ZNF667: variants seen among roughly 807,000 people sequenced by gnomAD.
ZNF667 encodes zinc finger protein 667.
Under a neutral mutation model 31.8 loss-of-function variants are expected in ZNF667, and 13 were observed. That is an observed-to-expected ratio of 0.41 (90% CI 0.27 to 0.65). The LOEUF (loss-of-function observed/expected upper bound fraction) is 0.65. Ranked by LOEUF, ZNF667 falls within the 30% of genes least tolerant of loss-of-function variation. ZNF667 has a pLI of 0.32. For missense variants in ZNF667, 642 were observed against 725.6 expected (o/e 0.88, Z 1.32); for synonymous variants, 228 against 247.1 (o/e 0.92, Z 0.73).
At chr19:56,455,984 A>G (rs2042924213) in intron 6 of ZNF667, among the ~76,000 whole-genome samples, 1 of 152,186 alleles carries the variant, frequency 6.6e-6, no homozygotes, top group African/African-American at 2.4e-5. Flanking sequence ...TCTCCCGGAC[A>G]GGAGATCCTA....
At chr19:56,465,964 G>T (rs1418085811) in intron 3 of ZNF667, among the ~76,000 whole-genome samples, 1 of 152,202 alleles carries the variant, frequency 6.6e-6, no homozygotes, top group Non-Finnish European at 1.5e-5. Context: ...TTTCCTCCTG[G>T]GAGTCTGCAA....
intron 6 of ZNF667, among the ~76,000 whole-genome samples, chr19:56,450,799 T>C (rs949402675): frequency 1.3e-5 from 2 of 152,160 alleles, no homozygotes; most frequent in Non-Finnish European, 2.9e-5. Flanking sequence ...TAAATTGTCA[T>C]CAGTTTAAAT....
At chr19:56,449,937 G>T (rs1048647897) in intron 6 of ZNF667, among the ~76,000 whole-genome samples, 1 of 150,786 alleles carries the variant, frequency 6.6e-6, no homozygotes, top group African/African-American at 2.4e-5. Flanking sequence ...ATAGTCAGAG[G>T]AGTCAAAGGG....
At chr19:56,449,374 G>A (rs10408604) in intron 6 of ZNF667, 121,921 of 300,296 alleles carry the variant, frequency 0.41, 26,255 homozygotes, top group Middle Eastern at 0.52. Context: ...TTCAGTCAGA[G>A]AATTCAAAAT....
chr19:56,454,390 G>T (rs899281046), intron 6 of ZNF667, among the ~76,000 whole-genome samples: 3 of 151,868 alleles, frequency 2.0e-5, no homozygotes, highest in African/African-American at 4.8e-5. Context: ...TGAGCAAAAA[G>T]AATAAAACTG....
Position 56,456,482 on chromosome 19 carries a change from G to T in ZNF667, c.253+1673C>A, listed in dbSNP as rs561296858. 4.6e-5 allele frequency among the ~76,000 whole-genome samples: 7 copies of T among 152,264 alleles called. No individual in the cohort carries two copies. In the East Asian group the frequency reaches 1.2e-3, roughly 25 times the overall value. On this transcript the variant is annotated intron_variant, in intron 6 of 6. Coordinates refer to ENST00000504904, the MANE Select transcript of ZNF667 (RefSeq NM_001321356.2). Reference sequence around the variant, plus strand: ...TTCACAATTGTGAGACCTCGCAATTGTGAGAAATGTCTTCTAGATAAAGAC... The same window carrying T: ...TTCACAATTGTGAGACCTCGCAATTTTGAGAAATGTCTTCTAGATAAAGAC...
chr19:56,464,369 C>T (rs1274691796), intron 3 of ZNF667, among the ~76,000 whole-genome samples: 2 of 152,116 alleles, frequency 1.3e-5, no homozygotes, highest in African/African-American at 4.8e-5. Context: ...TGGTGTGTGC[C>T]TGTAGTCCTA....
intron 6 of ZNF667, chr19:56,449,205 C>A: frequency 2.6e-6 from 1 of 389,044 alleles, no homozygotes; most frequent in Non-Finnish European, 5.0e-6. Context: ...TACAAACAAG[C>A]CCAGACTACA....
intron 5 of ZNF667, among the ~76,000 whole-genome samples, chr19:56,460,383 G>T (rs1209304333): frequency 1.3e-5 from 2 of 152,322 alleles, no homozygotes; most frequent in Middle Eastern, 3.4e-3. Context: ...ACTAGTAGTT[G>T]CTGAACCTGG....
chr19:56,453,922 T>C (rs776828276), intron 6 of ZNF667, among the ~76,000 whole-genome samples: 8 of 152,206 alleles, frequency 5.3e-5, no homozygotes, highest in Admixed American at 1.3e-4. Context: ...GCAGATGATA[T>C]GATCTTTTAG....
chr19:56,447,620 C>T (rs1291833031), intron 6 of ZNF667, among the ~76,000 whole-genome samples: 3 of 152,008 alleles, frequency 2.0e-5, no homozygotes, highest in African/African-American at 7.2e-5. Context: ...TGGTGACTCA[C>T]ACCTTTAATC....
At chr19:56,457,353 C>T (rs1473243086) in intron 6 of ZNF667, among the ~76,000 whole-genome samples, 2 of 152,128 alleles carry the variant, frequency 1.3e-5, no homozygotes, top group Non-Finnish European at 2.9e-5. Context: ...GACAGGTGGG[C>T]ATAAGGGTGT....
chr19:56,441,755 G>C lies in ZNF667; in HGVS notation c.1240C>G (p.Leu414Val). 2 of 1,614,056 alleles carry C rather than the reference G, an allele frequency of 1.2e-6. No individual in the cohort carries two copies. The highest frequency in any genetic ancestry group is 1.7e-6 in the Non-Finnish European group (2 of 1,180,000). Residue 414 changes from leucine (L) to valine (V), a missense_variant, in exon 7 of 7, where the codon CTA becomes GTA. Transcript: ENST00000504904. This position sits in a 1 kb window ranked among gnomAD's most constrained non-coding sequence, Gnocchi z 4.2. ...TTCCCACATTCCTTACACTCAAATA[G>C]TTTCTTTTTCTTTGTATGAACTTTC... Reference protein sequence around the residue: ...HQKVHTKKKKLFECKECGKMF... With the variant: ...HQKVHTKKKKVFECKECGKMF...
At chr19:56,457,427 A>C (rs536851111) in intron 6 of ZNF667, among the ~76,000 whole-genome samples, 2 of 152,268 alleles carry the variant, frequency 1.3e-5, no homozygotes, top group African/African-American at 4.8e-5. Flanking sequence ...TCTGGGCCTC[A>C]AACCCTCCTC....
At chr19:56,461,594 G>A (rs182259907) in intron 4 of ZNF667, among the ~76,000 whole-genome samples, 70 of 152,290 alleles carry the variant, frequency 4.6e-4, no homozygotes, top group Admixed American at 7.8e-4. Flanking sequence ...GTGCCTGGAC[G>A]CCAACCACAA....
chr19:56,471,480 C>T (rs1043185524), intron 3 of ZNF667, among the ~76,000 whole-genome samples: 3 of 152,142 alleles, frequency 2.0e-5, no homozygotes, highest in African/African-American at 7.2e-5. Context: ...GAACAAAGCC[C>T]TATTCTTTGC....
intron 6 of ZNF667, among the ~76,000 whole-genome samples, chr19:56,455,183 T>TA (rs2042906734): frequency 6.6e-6 from 1 of 152,134 alleles, no homozygotes; most frequent in Non-Finnish European, 1.5e-5. Context: ...CAAATGCTGG[T>TA]GAGGATATGG....
intron 6 of ZNF667, among the ~76,000 whole-genome samples, chr19:56,456,958 T>C (rs2042944059): frequency 6.6e-6 from 1 of 152,220 alleles, no homozygotes; most frequent in Non-Finnish European, 1.5e-5. Context: ...CTTTTTGCAC[T>C]GTGCTTCCAT....
At chr19:56,468,210 C>T (rs1367982221) in intron 3 of ZNF667, 2 of 152,258 alleles carry the variant, frequency 1.3e-5, no homozygotes, top group African/African-American at 4.8e-5. Context: ...TTACTAACCA[C>T]GTACCTCCCT....
Sources: allele counts gnomAD v4.1 joint callset (sites outside exome capture counted in the v4.1 genomes callset), GRCh38; gene constraint gnomAD v4.1.1; non-coding constraint Gnocchi (gnomAD v3.1); transcripts MANE v1.5; gene names NCBI Gene and HGNC (gene_info 2026-07-23, HGNC 2026-07-21).